The following NDST3 variants were observed in gnomAD, a reference collection of about 807,000 sequenced individuals.
NDST3 encodes bifunctional heparan sulfate N-deacetylase/N-sulfotransferase 3.
In NDST3, 58 loss-of-function variants were observed where a neutral mutation model predicts 96.1. The observed-to-expected ratio is 0.60, with a 90% CI of 0.49 to 0.75. NDST3 has a LOEUF of 0.75. Among genes scored for constraint, NDST3 ranks in the 30% least tolerant of loss-of-function variants. The probability of loss-of-function intolerance (pLI) is 0.00; values close to 1 mark genes in which losing one functional copy is unlikely to be tolerated. For synonymous variants in NDST3, 333 were observed against 359.7 expected (o/e 0.93, Z 0.84); for missense variants, 788 against 1,034.2 (o/e 0.76, Z 3.27).
At chr4:118,201,777 C>A (rs774426585) in intron 6 of NDST3, among the ~76,000 whole-genome samples, 10 of 151,998 alleles carry the variant, frequency 6.6e-5, no homozygotes, top group Non-Finnish European at 1.2e-4. Context: ...TGTGCAGAAG[C>A]TTTTTAGTTT....
At chr4:118,093,344 C>T (rs564608575) in intron 2 of NDST3, among the ~76,000 whole-genome samples, 3 of 151,952 alleles carry the variant, frequency 2.0e-5, no homozygotes, top group African/African-American at 7.2e-5. Context: ...ATTATCCCAG[C>T]AACTGACACA....
chr4:118,137,642 C>T (rs752375058), intron 4 of NDST3, among the ~76,000 whole-genome samples: 3 of 152,144 alleles, frequency 2.0e-5, no homozygotes, highest in Non-Finnish European at 2.9e-5. Flanking sequence ...GCCTAATGAA[C>T]TTGGAAGGTG....
intron 4 of NDST3, among the ~76,000 whole-genome samples, chr4:118,130,840 T>A (rs1012265023): frequency 6.6e-6 from 1 of 152,240 alleles, no homozygotes. Flanking sequence ...CCACCAGATA[T>A]ACTATTCTAG....
At chr4:118,070,647 C>CTT (rs34525909) in intron 2 of NDST3, among the ~76,000 whole-genome samples, 39 of 128,718 alleles carry the variant, frequency 3.0e-4, no homozygotes, top group African/African-American at 9.6e-4. Flanking sequence ...CTCAACCATT[C>CTT]TTTTTTTTTT....
intron 9 of NDST3, among the ~76,000 whole-genome samples, chr4:118,233,491 TA>T (rs928289983): frequency 2.0e-5 from 3 of 152,186 alleles, no homozygotes; most frequent in Non-Finnish European, 2.9e-5. Flanking sequence ...GTGCACTTTT[TA>T]TGAAGTGATG....
At chr4:118,107,285 A>G (rs572719158) in intron 3 of NDST3, among the ~76,000 whole-genome samples, 9 of 152,316 alleles carry the variant, frequency 5.9e-5, no homozygotes, top group African/African-American at 2.2e-4. Context: ...ATAATTAAAA[A>G]GTTTTTTCAC....
chr4:118,130,702 T>C (rs922193617), intron 4 of NDST3, among the ~76,000 whole-genome samples: 5 of 152,170 alleles, frequency 3.3e-5, no homozygotes, highest in Non-Finnish European at 7.4e-5. Context: ...CTCATTAATA[T>C]CATTTTCTTT....
chr4:118,254,089 A>G (rs937066014), intron 13 of NDST3, among the ~76,000 whole-genome samples: 3 of 152,078 alleles, frequency 2.0e-5, no homozygotes, highest in Non-Finnish European at 2.9e-5. Flanking sequence ...AAAAATACAA[A>G]AAAAGATTAG....
chr4:118,199,937 G>T (rs1406851151), intron 6 of NDST3, among the ~76,000 whole-genome samples: 1 of 152,148 alleles, frequency 6.6e-6, no homozygotes, highest in African/African-American at 2.4e-5. Flanking sequence ...GCTAGAGGTG[G>T]AATGACACAA....
At chr4:118,232,436 C>G (rs1264655733) in intron 8 of NDST3, among the ~76,000 whole-genome samples, 2 of 151,680 alleles carry the variant, frequency 1.3e-5, no homozygotes, top group South Asian at 2.1e-4. Flanking sequence ...TCAAGACTAG[C>G]CTGAGCAACA....
chr4:118,079,624 G>A (rs1727850183), intron 2 of NDST3, among the ~76,000 whole-genome samples: 1 of 152,188 alleles, frequency 6.6e-6, no homozygotes, highest in African/African-American at 2.4e-5. Context: ...GTGGGCCATG[G>A]AGAGGAATTT....
chr4:118,100,847 G>A (rs1247242873), intron 2 of NDST3, among the ~76,000 whole-genome samples: 1 of 152,160 alleles, frequency 6.6e-6, no homozygotes, highest in Non-Finnish European at 1.5e-5. Flanking sequence ...AGTATACTAA[G>A]TATATCTGAT....
At chr4:118,183,140 C>G (rs1228638183) in intron 6 of NDST3, among the ~76,000 whole-genome samples, 1 of 152,116 alleles carries the variant, frequency 6.6e-6, no homozygotes, top group Non-Finnish European at 1.5e-5. Context: ...CATTCTCCAC[C>G]AGACGACACT....
intron 6 of NDST3, among the ~76,000 whole-genome samples, chr4:118,164,773 T>C (rs1044395349): frequency 2.6e-5 from 4 of 152,104 alleles, no homozygotes; most frequent in African/African-American, 4.8e-5. Flanking sequence ...TATAACTATA[T>C]GACAATAATA....
At chr4:118,061,919 T>C (rs1320032816) in intron 2 of NDST3, among the ~76,000 whole-genome samples, 1 of 152,058 alleles carries the variant, frequency 6.6e-6, no homozygotes, top group African/African-American at 2.4e-5. Context: ...GGAAGAAGAT[T>C]TATGAACAGA....
chr4:118,100,371 T>C (rs1002168706), intron 2 of NDST3, among the ~76,000 whole-genome samples: 2 of 152,034 alleles, frequency 1.3e-5, no homozygotes, highest in African/African-American at 4.8e-5. Flanking sequence ...AACTGAATTA[T>C]ATCACCAGCT....
rs1349342352 is a variant in NDST3 at position 118,207,559 on chromosome 4, A to G, written c.1540-16932A>G. Reference sequence around the variant, plus strand: ...ACACAAGTGATGACACAGTAAAAACAAAAAACTTCTTTCAAAGTTTTATCT... The same window carrying G: ...ACACAAGTGATGACACAGTAAAAACGAAAAACTTCTTTCAAAGTTTTATCT... On this transcript the variant is annotated intron_variant, in intron 6 of 13. Coordinates refer to ENST00000296499, the MANE Select transcript of NDST3 (RefSeq NM_004784.3). 1.4e-5 allele frequency among the ~76,000 whole-genome samples: 2 copies of G among 145,286 alleles called. 1 individual carries two copies. The highest frequency in any genetic ancestry group is 3.1e-5 in the Non-Finnish European group (2 of 65,398).
At chr4:118,219,733 C>T (rs1739414085) in intron 6 of NDST3, among the ~76,000 whole-genome samples, 1 of 152,104 alleles carries the variant, frequency 6.6e-6, no homozygotes, top group Non-Finnish European at 1.5e-5. Flanking sequence ...AAGAAACTAT[C>T]ATCAGAGTGA....
intron 2 of NDST3, among the ~76,000 whole-genome samples, chr4:118,087,003 T>C (rs1728475375): frequency 6.6e-6 from 1 of 152,148 alleles, no homozygotes; most frequent in Non-Finnish European, 1.5e-5. Flanking sequence ...AAGATTTGCC[T>C]AGATAAATTG....
Sources: gnomAD v4.1 joint callset for allele counts (sites outside exome capture counted in the v4.1 genomes callset) on GRCh38, gnomAD v4.1.1 for gene constraint, MANE v1.5 for transcripts, NCBI Gene and HGNC (gene_info 2026-07-23, HGNC 2026-07-21) for gene names.